CENPK: variants seen among roughly 807,000 people sequenced by gnomAD.
CENPK encodes the protein SoxLZ/Sox6-binding protein Solt.
Under a neutral mutation model 40.9 loss-of-function variants are expected in CENPK, and 46 were observed. The ratio of observed to expected loss-of-function variants is 1.13; its 90% CI spans 0.89 to 1.44. CENPK has a LOEUF of 1.44. Among genes scored for constraint, CENPK ranks in the 40% most tolerant of loss-of-function variants. The probability of loss-of-function intolerance (pLI) is 0.00; values close to 1 mark genes in which losing one functional copy is unlikely to be tolerated. For missense variants in CENPK, 288 were observed against 303.5 expected (o/e 0.95, Z 0.38); for synonymous variants, 107 against 104.4 (o/e 1.02, Z -0.15).
the CENPK span, among the ~76,000 whole-genome samples, chr5:65,499,149 TAC>T: frequency 2.0e-5 from 3 of 150,862 alleles, no homozygotes; most frequent in African/African-American, 7.3e-5. Flanking sequence ...GTGTTGGGAT[TAC>T]AGTCGTGAGC....
chr5:65,561,647 C>A (rs1751986694), intron 1 of CENPK, 83 bp from the exon 2 acceptor site: 1 of 321,442 alleles, frequency 3.1e-6, no homozygotes, highest in Admixed American at 3.4e-5. Flanking sequence ...CCCGTTCCCA[C>A]ATTTTGTATC....
At chr5:65,508,268 T>G in the CENPK span, among the ~76,000 whole-genome samples, 1 of 152,186 alleles carries the variant, frequency 6.6e-6, no homozygotes, top group Non-Finnish European at 1.5e-5. Flanking sequence ...GTCTACAAAA[T>G]TATTACTAGG....
intron 10 of CENPK, among the ~76,000 whole-genome samples, chr5:65,520,069 A>G (rs1393358705): frequency 1.3e-5 from 2 of 152,096 alleles, no homozygotes; most frequent in Non-Finnish European, 2.9e-5. Flanking sequence ...GTAATCCCCA[A>G]TGTTGGAGGT....
intron 5 of CENPK, among the ~76,000 whole-genome samples, chr5:65,543,735 T>C (rs149421904): frequency 1.3e-5 from 2 of 152,342 alleles, no homozygotes; most frequent in East Asian, 3.9e-4. Context: ...AAGCAGACTT[T>C]TATACACGTT....
intron 5 of CENPK, among the ~76,000 whole-genome samples, chr5:65,546,860 T>G (rs1368448901): frequency 6.6e-6 from 1 of 152,222 alleles, no homozygotes; most frequent in Non-Finnish European, 1.5e-5. Flanking sequence ...TAATTTCTGT[T>G]GTTTAAGCCA....
intron 5 of CENPK, chr5:65,550,831 A>C (rs1749864690): frequency 1.3e-5 from 2 of 152,338 alleles, no homozygotes; most frequent in Non-Finnish European, 2.9e-5. Context: ...TCTACTTCCT[A>C]ACTGAAGACA....
intron 5 of CENPK, among the ~76,000 whole-genome samples, chr5:65,544,513 T>C (rs779588035): frequency 3.3e-5 from 5 of 152,206 alleles, no homozygotes; most frequent in Admixed American, 6.5e-5. Flanking sequence ...AACTATCATA[T>C]GATCCACTAT....
chr5:65,525,148 C>A (rs1208439507), intron 9 of CENPK, among the ~76,000 whole-genome samples: 8 of 152,120 alleles, frequency 5.3e-5, no homozygotes, highest in African/African-American at 1.9e-4. Flanking sequence ...CACCTGAGGT[C>A]AGGAGATCGA....
At chr5:65,505,615 T>TG in the CENPK span, among the ~76,000 whole-genome samples, 1 of 152,248 alleles carries the variant, frequency 6.6e-6, no homozygotes, top group Non-Finnish European at 1.5e-5. Context: ...CACTCCAGCC[T>TG]GGGCGACAGA....
the CENPK span, among the ~76,000 whole-genome samples, chr5:65,500,921 C>T: frequency 6.6e-6 from 1 of 152,054 alleles, no homozygotes; most frequent in African/African-American, 2.4e-5. Flanking sequence ...CCACCCACCT[C>T]AGCCTCCCAA....
chr5:65,499,041 T>C, the CENPK span, among the ~76,000 whole-genome samples: 3 of 151,624 alleles, frequency 2.0e-5, no homozygotes, highest in Non-Finnish European at 2.9e-5. Flanking sequence ...TTTTTTTAAA[T>C]AGAGAATGAG....
chr5:65,561,202 C>G (rs1751889783), intron 2 of CENPK: 1 of 227,424 alleles, frequency 4.4e-6, no homozygotes. Flanking sequence ...ACCTGCTATA[C>G]CCATAAGATA....
At chr5:65,525,606 T>C (rs1336157342) in intron 9 of CENPK, among the ~76,000 whole-genome samples, 2 of 152,212 alleles carry the variant, frequency 1.3e-5, no homozygotes, top group African/African-American at 4.8e-5. Context: ...TAAAGTCCAG[T>C]GTTGTGGACT....
chr5:65,536,517 A>G (rs1017996492), intron 6 of CENPK, among the ~76,000 whole-genome samples: 7 of 152,292 alleles, frequency 4.6e-5, no homozygotes, highest in African/African-American at 1.4e-4. Context: ...ACTCCTAGCT[A>G]CTTGGGAAGC....
Position 65,551,141 on chromosome 5 carries a change from T to G in CENPK, c.241+423A>C, listed in dbSNP as rs1456611067. On this transcript the variant is annotated intron_variant, in intron 5 of 10. Coordinates refer to ENST00000396679, the MANE Select transcript of CENPK (RefSeq NM_022145.5). ...GGCACACACTTGTAGTCCTAGCTACTCAGGAGGCTGAGGTAGGAGGATCAC... is the reference window on the plus strand; with the variant it reads ...GGCACACACTTGTAGTCCTAGCTACGCAGGAGGCTGAGGTAGGAGGATCAC... 7.6e-6 allele frequency: 3 copies of G among 392,516 alleles called. No homozygotes were observed. The Admixed American group carries it at 9.7e-5, about 13-fold the overall frequency. The allele number at this position is 392,516 out of a possible 1,614,324, so 24.3% of individuals were successfully genotyped here.
At chr5:65,525,459 T>C (rs1462088987) in intron 9 of CENPK, among the ~76,000 whole-genome samples, 1 of 152,232 alleles carries the variant, frequency 6.6e-6, no homozygotes, top group Non-Finnish European at 1.5e-5. Flanking sequence ...TTTATGGTTC[T>C]ATATGTATAT....
chr5:65,529,456 G>A, intron 6 of CENPK: 1 of 331,346 alleles, frequency 3.0e-6, no homozygotes, highest in Admixed American at 4.6e-5. Context: ...ATAATGGTGT[G>A]TTTTCAGTAA....
chr5:65,527,565 C>A (rs1270055850), intron 9 of CENPK, among the ~76,000 whole-genome samples: 11 of 124,330 alleles, frequency 8.8e-5, no homozygotes, highest in Non-Finnish European at 1.6e-4. Context: ...GAACTGTTCA[C>A]AATCTTCTGC....
At chr5:65,534,412 A>G (rs1264945375) in intron 6 of CENPK, among the ~76,000 whole-genome samples, 10 of 152,214 alleles carry the variant, frequency 6.6e-5, no homozygotes, top group Admixed American at 6.5e-4. Flanking sequence ...ACAATTTTGA[A>G]AAGAACAACA....
Sources: allele counts gnomAD v4.1 joint callset (sites outside exome capture counted in the v4.1 genomes callset), GRCh38; gene constraint gnomAD v4.1.1; transcripts MANE v1.5; gene names NCBI Gene and HGNC (gene_info 2026-07-23, HGNC 2026-07-21).